ASIP: variants seen among roughly 807,000 people sequenced by gnomAD.
ASIP encodes agouti signaling protein.
Under a neutral mutation model 10.3 loss-of-function variants are expected in ASIP, and 11 were observed. The ratio of observed to expected loss-of-function variants is 1.07; its 90% CI spans 0.68 to 1.78. The LOEUF (loss-of-function observed/expected upper bound fraction) is 1.78. ASIP is among the 40% of genes most tolerant of loss of function. The pLI is 0.00. For missense variants in ASIP, 180 were observed against 169.2 expected, an observed-to-expected ratio of 1.06 and a Z score of -0.35; for synonymous variants, 70 against 70.8, an observed-to-expected ratio of 0.99 and a Z score of 0.06.
chr20:34,213,472 A>G (rs1181293664), intron 1 of ASIP: 2 of 1,284,942 alleles, frequency 1.6e-6, no homozygotes, highest in East Asian at 4.6e-5. Flanking sequence ...GACAGTTTTG[A>G]AGTGAACACT....
chr20:34,261,324 C>A (rs819137), intron 2 of ASIP, among the ~76,000 whole-genome samples: 19,532 of 152,024 alleles, frequency 0.13, 1,335 homozygotes, highest in East Asian at 0.22. Flanking sequence ...CATAGGGAGA[C>A]CCCGTCTCTA....
chr20:34,236,607 T>C (rs1261393927), upstream of ASIP, among the ~76,000 whole-genome samples: 2 of 152,014 alleles, frequency 1.3e-5, no homozygotes, highest in Non-Finnish European at 2.9e-5. Context: ...TCCTACCACT[T>C]TGGGAGTCTG....
intron 1 of ASIP, among the ~76,000 whole-genome samples, chr20:34,197,083 A>G (rs536442418): frequency 6.6e-6 from 1 of 151,982 alleles, no homozygotes; most frequent in East Asian, 1.9e-4. Context: ...GTTTAGAAAT[A>G]GCCATAGCAG....
rs1354827327 is a variant in ASIP, at chr20:34,258,769, AAT to A, written c.-10-1588_-10-1587del. On this transcript the variant is annotated intron_variant, in intron 1 of 3. Transcript: ENST00000374954. ...ACTATATATAATATATGATATATATAATATATATAGTATATATATAGTGTATA... is the reference window on the plus strand; with the variant it reads ...ACTATATATAATATATGATATATATAATATATAGTATATATATAGTGTATA... Among the ~76,000 whole-genome samples, 116 of 96,326 alleles carry A rather than the reference AAT, an allele frequency of 1.2e-3. 1 individual carries two copies. The highest frequency in any genetic ancestry group is 1.7e-3 in the Non-Finnish European group (89 of 52,516). The allele number at this position is 96,326 out of a possible 152,430, so 63.2% of individuals were successfully genotyped here.
chr20:34,264,921 AAGC>A (rs2035759088), intron 3 of ASIP, among the ~76,000 whole-genome samples: 1 of 150,798 alleles, frequency 6.6e-6, no homozygotes, highest in Non-Finnish European at 1.5e-5. Flanking sequence ...TCAGCCCCAC[AAGC>A]AGCTAGGACT....
intron 1 of ASIP, among the ~76,000 whole-genome samples, chr20:34,204,174 A>G (rs1372396511): frequency 2.0e-5 from 3 of 151,982 alleles, no homozygotes; most frequent in Admixed American, 6.6e-5. Context: ...ACAATCATGT[A>G]GTATGTGTAG....
intron 3 of ASIP, among the ~76,000 whole-genome samples, chr20:34,264,506 A>G (rs2035751625): frequency 6.6e-6 from 1 of 152,210 alleles, no homozygotes. Context: ...ACTAGGTGCT[A>G]CTAGTGATTC....
chr20:34,223,455 G>C (rs1450972614), intron 1 of ASIP, among the ~76,000 whole-genome samples: 2 of 152,006 alleles, frequency 1.3e-5, no homozygotes, highest in Admixed American at 6.6e-5. Flanking sequence ...TGGGAAGTGA[G>C]GAGCGTCTCC....
At chr20:34,189,479 T>C in the ASIP span, among the ~76,000 whole-genome samples, 1 of 152,060 alleles carries the variant, frequency 6.6e-6, no homozygotes, top group Non-Finnish European at 1.5e-5. Flanking sequence ...CAACCTCATG[T>C]GATCCGCCCA....
rs1328234383 is a variant in ASIP at position 34,269,110 on chromosome 20, C to A, written c.342C>A (p.Cys114Ter). 2.6e-6 allele frequency: 4 copies of A among 1,565,632 alleles called. No homozygotes were observed. Among genetic ancestry groups the A allele is most frequent in the Non-Finnish European group, 3.5e-6 (4 of 1,155,646 alleles). The change falls in exon 4 of 4, where the codon TGC becomes TGA. Residue 114 changes from cysteine (C) to a stop codon, truncating the protein, a stop_gained. Coordinates refer to ENST00000374954, the MANE Select transcript of ASIP (RefSeq NM_001672.3). LOFTEE classifies it high-confidence loss of function. ...CCTGCTGCGACCCGTGCGCCTCCTG[C>A]CAGTGCCGCTTCTTCCGCAGCGCCT... Reference protein sequence around the residue: ...APACCDPCASCQCRFFRSACS... With the variant: ...APACCDPCAS
At chr20:34,254,968 T>TCTGTTAACCC in intron 1 of ASIP, among the ~76,000 whole-genome samples, 1 of 152,304 alleles carries the variant, frequency 6.6e-6, no homozygotes, top group Non-Finnish European at 1.5e-5. Flanking sequence ...CGGGGGTTGG[T>TCTGTTAACCC]CTGTTTGTCT....
At chr20:34,258,083 G>A (rs1342582276) in intron 1 of ASIP, among the ~76,000 whole-genome samples, 1 of 151,954 alleles carries the variant, frequency 6.6e-6, no homozygotes, top group East Asian at 1.9e-4. Flanking sequence ...GGCAGAGGTT[G>A]CAGTAAGCCA....
At chr20:34,218,442 AT>A (rs2035023859) in intron 1 of ASIP, among the ~76,000 whole-genome samples, 1 of 152,148 alleles carries the variant, frequency 6.6e-6, no homozygotes. Context: ...CATTACTTTT[AT>A]CCAGTCCCAC....
chr20:34,190,686 C>T (rs2034819476), upstream of ASIP, among the ~76,000 whole-genome samples: 1 of 152,204 alleles, frequency 6.6e-6, no homozygotes, highest in Admixed American at 6.5e-5. Flanking sequence ...TCTGATGAGT[C>T]TCCAAAGAGC....
At chr20:34,192,182 A>G (rs1270936240), upstream of ASIP, among the ~76,000 whole-genome samples, 1 of 152,106 alleles carries the variant, frequency 6.6e-6, no homozygotes, top group Non-Finnish European at 1.5e-5. Flanking sequence ...GATTACAGGC[A>G]TGAGCCACCA....
At chr20:34,258,036 C>T (rs2035603124) in intron 1 of ASIP, among the ~76,000 whole-genome samples, 1 of 151,922 alleles carries the variant, frequency 6.6e-6, no homozygotes, top group Non-Finnish European at 1.5e-5. Flanking sequence ...CCCAGCTACT[C>T]AGGAGGCTGA....
At chr20:34,252,209 A>G (rs916266171) in intron 1 of ASIP, among the ~76,000 whole-genome samples, 6 of 152,254 alleles carry the variant, frequency 3.9e-5, no homozygotes, top group African/African-American at 1.4e-4. Context: ...GTATAGAGAA[A>G]GAACAGTGGG....
intron 1 of ASIP, among the ~76,000 whole-genome samples, chr20:34,258,700 A>ATATATATATATATATACACACACACATAC (rs1555826880): frequency 1.3e-5 from 1 of 77,922 alleles, no homozygotes; most frequent in East Asian, 5.2e-4. Context: ...TACATACTAT[A>ATATATATATATATATACACACACACATAC]TATATATATT....
chr20:34,259,358 C>T (rs1247226538), intron 1 of ASIP, among the ~76,000 whole-genome samples: 1 of 151,718 alleles, frequency 6.6e-6, no homozygotes, highest in Non-Finnish European at 1.5e-5. Context: ...ACTAAAAATA[C>T]AAAAATTAGC....
Sources: gnomAD v4.1 joint callset for allele counts (sites outside exome capture counted in the v4.1 genomes callset) on GRCh38, gnomAD v4.1.1 for gene constraint, MANE v1.5 for transcripts, NCBI Gene and HGNC (gene_info 2026-07-23, HGNC 2026-07-21) for gene names.